The following MAGI2 variants were observed in gnomAD, a reference collection of about 807,000 sequenced individuals.
MAGI2 encodes membrane associated guanylate kinase, WW and PDZ domain containing 2.
A neutral mutation model predicts 133.3 loss-of-function variants in MAGI2; 35 were observed. The observed-to-expected ratio is 0.26, with a 90% CI of 0.20 to 0.35. MAGI2 has a LOEUF of 0.35. Among genes scored for constraint, MAGI2 ranks in the 10% least tolerant of loss-of-function variants. The pLI is 1.00. For synonymous variants in MAGI2, 729 were observed against 710.6 expected (o/e 1.03, Z -0.41); for missense variants, 1,636 against 1,863.4 (o/e 0.88, Z 2.25).
intron 9 of MAGI2, among the ~76,000 whole-genome samples, chr7:78,333,827 G>C (rs1370077764): frequency 6.6e-6 from 1 of 152,220 alleles, no homozygotes; most frequent in Non-Finnish European, 1.5e-5. Flanking sequence ...AGGAAGTCTA[G>C]TAGGAGACAG....
At chr7:79,006,514 A>G (rs1807464783) in intron 2 of MAGI2, among the ~76,000 whole-genome samples, 1 of 152,190 alleles carries the variant, frequency 6.6e-6, no homozygotes, top group African/African-American at 2.4e-5. Context: ...TTGGAAGGAT[A>G]ATCAGAAACG....
chr7:79,057,947 AG>A (rs958687211), intron 1 of MAGI2, among the ~76,000 whole-genome samples: 1 of 142,548 alleles, frequency 7.0e-6, no homozygotes, highest in Non-Finnish European at 1.5e-5. Flanking sequence ...CTGCCCAGAA[AG>A]GGGCTCTATT....
chr7:79,449,881 T>TACATATAC (rs879788965), intron 1 of MAGI2, among the ~76,000 whole-genome samples: 2 of 135,556 alleles, frequency 1.5e-5, no homozygotes, highest in Admixed American at 7.3e-5. Context: ...TATATACATA[T>TACATATAC]ATATATATAT....
chr7:78,883,263 C>A (rs548275696), intron 2 of MAGI2, among the ~76,000 whole-genome samples: 57 of 151,656 alleles, frequency 3.8e-4, no homozygotes, highest in African/African-American at 1.3e-3. Context: ...GACACACACA[C>A]AAAACAAAAC....
At position 78,810,205 on chromosome 7, in the gene MAGI2, G is replaced by T. The variant is rs933154483; in HGVS notation, c.419-182966C>A. Among the ~76,000 whole-genome samples, 16 of 151,946 alleles carry T rather than the reference G, an allele frequency of 1.1e-4. No individual in the cohort carries two copies. The South Asian group carries it at 1.9e-3, about 18-fold the overall frequency. Reference sequence around the variant, plus strand: ...TTTTATATAACTATTCCAAGTATTGGTGTTTAGAGGTTTCAAGTTCTTTTA... The same window carrying T: ...TTTTATATAACTATTCCAAGTATTGTTGTTTAGAGGTTTCAAGTTCTTTTA... On this transcript the variant is annotated intron_variant, in intron 2 of 21. Transcript: ENST00000354212.
intron 1 of MAGI2, among the ~76,000 whole-genome samples, chr7:79,440,673 GT>G (rs758565094): frequency 2.6e-5 from 4 of 152,000 alleles, no homozygotes; most frequent in East Asian, 3.9e-4. Flanking sequence ...TTCCTATAAT[GT>G]ATAGTTATAT....
intron 2 of MAGI2, among the ~76,000 whole-genome samples, chr7:78,889,928 A>T (rs1324323566): frequency 6.6e-6 from 1 of 152,204 alleles, no homozygotes; most frequent in Non-Finnish European, 1.5e-5. Context: ...AAAGACACAG[A>T]CTGGCAAATT....
intron 10 of MAGI2, among the ~76,000 whole-genome samples, chr7:78,203,010 T>C (rs1293845508): frequency 3.9e-5 from 6 of 152,256 alleles, no homozygotes; most frequent in African/African-American, 1.4e-4. Flanking sequence ...ACCATGAGTT[T>C]AAAAGTGAAA....
chr7:79,275,372 A>C (rs1835158049), intron 1 of MAGI2, among the ~76,000 whole-genome samples: 1 of 152,178 alleles, frequency 6.6e-6, no homozygotes, highest in South Asian at 2.1e-4. Flanking sequence ...TCCTAAGCCA[A>C]AGCCTAATCC....
chr7:78,970,618 G>T (rs1050641096), intron 2 of MAGI2, among the ~76,000 whole-genome samples: 1 of 151,934 alleles, frequency 6.6e-6, no homozygotes, highest in Admixed American at 6.6e-5. Flanking sequence ...AAAGGATAAA[G>T]AAGACTAAAG....
chr7:78,645,342 C>A (rs1810754554), intron 2 of MAGI2, among the ~76,000 whole-genome samples: 1 of 151,962 alleles, frequency 6.6e-6, no homozygotes, highest in Admixed American at 6.6e-5. Context: ...TAAAACCAGA[C>A]AAACATTAAA....
chr7:78,669,415 T>C (rs1814054746), intron 2 of MAGI2, among the ~76,000 whole-genome samples: 1 of 152,062 alleles, frequency 6.6e-6, no homozygotes, highest in Non-Finnish European at 1.5e-5. Flanking sequence ...GCTCTGAAAT[T>C]GTGGCAATAA....
chr7:79,252,352 G>A (rs1194525547), intron 1 of MAGI2, among the ~76,000 whole-genome samples: 3 of 152,030 alleles, frequency 2.0e-5, no homozygotes, highest in African/African-American at 4.8e-5. Flanking sequence ...ACAAACAAAT[G>A]TTGCATATTC....
At chr7:78,515,197 T>C (rs140890500) in intron 4 of MAGI2, among the ~76,000 whole-genome samples, 112 of 152,290 alleles carry the variant, frequency 7.4e-4, no homozygotes, top group African/African-American at 2.6e-3. Context: ...ATTACTCTGG[T>C]TTACATGATC....
At chr7:79,177,331 C>A (rs1403896128) in intron 1 of MAGI2, 1 of 151,878 alleles carries the variant, frequency 6.6e-6, no homozygotes, top group African/African-American at 2.4e-5. Context: ...CACATGAATG[C>A]ATGAAAAAAG....
intron 15 of MAGI2, among the ~76,000 whole-genome samples, chr7:78,161,381 G>A (rs917243667): frequency 1.3e-5 from 2 of 152,126 alleles, no homozygotes; most frequent in Non-Finnish European, 2.9e-5. Flanking sequence ...TAGAAATAGG[G>A]TTGCTTTCAT....
intron 2 of MAGI2, among the ~76,000 whole-genome samples, chr7:78,704,334 T>C (rs1314739122): frequency 6.6e-6 from 1 of 152,054 alleles, no homozygotes; most frequent in African/African-American, 2.4e-5. Context: ...ACATCACTAA[T>C]CATTAGAGAA....
chr7:78,777,443 C>A (rs1314296094), intron 2 of MAGI2, among the ~76,000 whole-genome samples: 5 of 152,230 alleles, frequency 3.3e-5, no homozygotes, highest in Admixed American at 6.5e-5. Context: ...CCATCATCAC[C>A]ACTACCACCA....
At chr7:79,016,707 C>T (rs1046859623) in intron 1 of MAGI2, among the ~76,000 whole-genome samples, 3 of 152,114 alleles carry the variant, frequency 2.0e-5, no homozygotes, top group Non-Finnish European at 4.4e-5. Flanking sequence ...CTCCAACACT[C>T]CCCCAACAGT....
Sources: gnomAD v4.1 joint callset for allele counts (sites outside exome capture counted in the v4.1 genomes callset) on GRCh38, gnomAD v4.1.1 for gene constraint, MANE v1.5 for transcripts, NCBI Gene and HGNC (gene_info 2026-07-23, HGNC 2026-07-21) for gene names.